DNAH5: variants seen among roughly 807,000 people sequenced by gnomAD.
The protein encoded by DNAH5 is axonemal beta dynein heavy chain 5.
DNAH5 carries 372 observed loss-of-function variants against 518.2 expected under a neutral mutation model. The observed-to-expected ratio is 0.72, with a 90% CI of 0.66 to 0.78. The LOEUF (loss-of-function observed/expected upper bound fraction) is 0.78, where lower values mean the gene tolerates loss of function less well. Among genes scored for constraint, DNAH5 ranks in the 30% least tolerant of loss-of-function variants. The probability of loss-of-function intolerance (pLI) is 0.00; values close to 1 mark genes in which losing one functional copy is unlikely to be tolerated. For missense variants in DNAH5, 5,523 were observed against 5,687.0 expected, an observed-to-expected ratio of 0.97 and a Z score of 0.93; for synonymous variants, 2,039 against 2,025.9, an observed-to-expected ratio of 1.01 and a Z score of -0.17.
intron 4 of DNAH5, among the ~76,000 whole-genome samples, chr5:13,922,536 G>T (rs1184299325): frequency 1.3e-5 from 2 of 151,878 alleles, no homozygotes; most frequent in Admixed American, 1.3e-4. Context: ...AGACCAGCCT[G>T]GGCAACATGG....
At chr5:13,709,067 G>A (rs1457326438) in intron 75 of DNAH5, among the ~76,000 whole-genome samples, 1 of 152,190 alleles carries the variant, frequency 6.6e-6, no homozygotes, top group East Asian at 1.9e-4. Flanking sequence ...TATGAAAGCT[G>A]ATAACAGTAT....
intron 19 of DNAH5, among the ~76,000 whole-genome samples, chr5:13,884,151 C>T (rs947235878): frequency 6.6e-6 from 1 of 152,028 alleles, no homozygotes; most frequent in Non-Finnish European, 1.5e-5. Flanking sequence ...AGGAAACCAC[C>T]TGGAAAGTAC....
At position 13,786,212 on chromosome 5, in the gene DNAH5, C is replaced by T. The variant is rs2126868656; in HGVS notation, c.8787G>A (p.Val2929=). 2.5e-6 allele frequency: 4 copies of T among 1,614,084 alleles called. No homozygotes were observed. Among genetic ancestry groups the T allele is most frequent in the Non-Finnish European group, 3.4e-6 (4 of 1,179,992 alleles). The change falls in exon 52 of 79, where the codon GTG becomes GTA. Residue 2929 remains valine (V), a synonymous_variant. Coordinates refer to ENST00000265104, the MANE Select transcript of DNAH5 (RefSeq NM_001369.3). The part of the protein sequence containing the change: ...ESIRGAGMDM[V]FFADAMVHLV... ...AGTGAACCATGGCATCTGCAAAGAA[C>T]ACCATGTCCATGCCGGCGCCACGGA...
At chr5:13,892,564 A>G (rs985430189) in intron 16 of DNAH5, among the ~76,000 whole-genome samples, 1 of 152,228 alleles carries the variant, frequency 6.6e-6, no homozygotes, top group African/African-American at 2.4e-5. Flanking sequence ...AATTACAAAA[A>G]GAAAAACATA....
intron 53 of DNAH5, among the ~76,000 whole-genome samples, chr5:13,779,402 A>G (rs149240625): frequency 9.2e-5 from 14 of 152,306 alleles, no homozygotes; most frequent in African/African-American, 2.9e-4. Context: ...TCCAAACCCA[A>G]TGCTTAGTAA....
intron 72 of DNAH5, among the ~76,000 whole-genome samples, chr5:13,718,501 C>T (rs1416974218): frequency 6.6e-6 from 1 of 152,172 alleles, no homozygotes; most frequent in African/African-American, 2.4e-5. Flanking sequence ...GACATATGGC[C>T]CTAATGAAAG....
intron 53 of DNAH5, among the ~76,000 whole-genome samples, chr5:13,779,916 T>C (rs940638661): frequency 6.6e-6 from 1 of 152,200 alleles, no homozygotes; most frequent in South Asian, 2.1e-4. Context: ...TTTTAGTTCC[T>C]TCTATTTTCT....
intron 7 of DNAH5, among the ~76,000 whole-genome samples, chr5:13,917,478 T>A (rs1776769216): frequency 6.6e-6 from 1 of 152,202 alleles, no homozygotes; most frequent in South Asian, 2.1e-4. Context: ...TCATATAAAA[T>A]CTATGCTATG....
chr5:13,976,710 T>TATATATATATATAC (rs780402172), intron 1 of DNAH5, among the ~76,000 whole-genome samples: 190 of 133,030 alleles, frequency 1.4e-3, no homozygotes, highest in Non-Finnish European at 2.0e-3. Context: ...TATATATATA[T>TATATATATATATAC]ACACACACAC....
intron 1 of DNAH5, among the ~76,000 whole-genome samples, chr5:13,986,511 A>G (rs1056671597): frequency 3.9e-5 from 6 of 152,212 alleles, no homozygotes; most frequent in African/African-American, 1.4e-4. Context: ...TGTGAAGCTC[A>G]AACACTAGTG....
chr5:13,831,545 T>C (rs182599300), intron 35 of DNAH5, among the ~76,000 whole-genome samples: 375 of 152,270 alleles, frequency 2.5e-3, no homozygotes, highest in Middle Eastern at 0.017. Context: ...GGAAATGAAG[T>C]GACTATCCAG....
chr5:13,932,879 G>A (rs1402364760), intron 1 of DNAH5, among the ~76,000 whole-genome samples: 1 of 152,232 alleles, frequency 6.6e-6, no homozygotes, highest in Non-Finnish European at 1.5e-5. Flanking sequence ...GAGGCAGACA[G>A]GCCACTGGAA....
chr5:13,793,590 G>A lies in DNAH5; in HGVS notation c.8149C>T (p.Pro2717Ser), dbSNP rs779628660. The change falls in exon 49 of 79, where the codon CCC becomes TCC. Residue 2717 changes from proline (P) to serine (S), a missense_variant. Around this residue, in one of 3 missense-constraint regions of DNAH5, gnomAD observed 5,121 missense variants for 5,223.3 expected, o/e 0.98. Coordinates refer to ENST00000265104, the MANE Select transcript of DNAH5 (RefSeq NM_001369.3). ...IHPGGGRNDI[P>S]QRLKRQFSIF... ...GAGAACTGCCTCTTGAGTCTTTGGG[G>A]TATGTCATTGCGTCCACCACCAGGA... 5 of 1,613,992 alleles carry A rather than the reference G, an allele frequency of 3.1e-6. No homozygotes were observed. The African/African-American group carries it at 4.0e-5, about 13-fold the overall frequency.
chr5:13,778,210 T>G (rs1754388161), intron 53 of DNAH5, among the ~76,000 whole-genome samples: 1 of 152,014 alleles, frequency 6.6e-6, no homozygotes, highest in Non-Finnish European at 1.5e-5. Flanking sequence ...GAATTGGAAA[T>G]ATCACAACTA....
chr5:13,730,498 G>C (rs975829770), intron 68 of DNAH5, among the ~76,000 whole-genome samples: 2 of 151,980 alleles, frequency 1.3e-5, no homozygotes, highest in African/African-American at 2.4e-5. Context: ...GCAGTGGCAC[G>C]ATCTCGGTTC....
chr5:13,921,506 C>T (rs923471098), intron 5 of DNAH5, among the ~76,000 whole-genome samples: 2 of 149,456 alleles, frequency 1.3e-5, no homozygotes, highest in Non-Finnish European at 3.0e-5. Flanking sequence ...CACACACACA[C>T]ACACACACAC....
upstream of DNAH5, among the ~76,000 whole-genome samples, chr5:13,946,940 A>G (rs1779976041): frequency 1.3e-5 from 2 of 152,246 alleles, no homozygotes. Flanking sequence ...TAAAAATATT[A>G]ATTGTAGAAT....
At chr5:13,839,129 A>G (rs1292812718) in intron 35 of DNAH5, among the ~76,000 whole-genome samples, 1 of 152,222 alleles carries the variant, frequency 6.6e-6, no homozygotes, top group Non-Finnish European at 1.5e-5. Flanking sequence ...CAGTGTTTAC[A>G]CATTTAAACT....
At chr5:13,816,957 T>A (rs1247454985) in intron 42 of DNAH5, among the ~76,000 whole-genome samples, 1 of 152,166 alleles carries the variant, frequency 6.6e-6, no homozygotes, top group Non-Finnish European at 1.5e-5. Context: ...TCCCACCGAA[T>A]TTATATTCTG....
Sources: allele counts gnomAD v4.1 joint callset (sites outside exome capture counted in the v4.1 genomes callset), GRCh38; gene constraint gnomAD v4.1.1; regional missense constraint gnomAD v4.1.1; transcripts MANE v1.5; gene names NCBI Gene and HGNC (gene_info 2026-07-23, HGNC 2026-07-21).